The following AP3S1 variants were observed in gnomAD, a reference collection of about 807,000 sequenced individuals.
AP3S1 encodes the protein AP-3 complex subunit sigma-1.
A neutral mutation model predicts 21.3 loss-of-function variants in AP3S1; 12 were observed. The observed-to-expected ratio is 0.56, with a 90% CI of 0.36 to 0.91. The LOEUF (loss-of-function observed/expected upper bound fraction) is 0.91, where lower values mean the gene tolerates loss of function less well. Among genes scored for constraint, AP3S1 ranks in the 40% least tolerant of loss-of-function variants. The pLI, the probability that AP3S1 is intolerant of heterozygous loss-of-function variation, is 0.01. For missense variants in AP3S1, 116 were observed against 225.0 expected, an observed-to-expected ratio of 0.52 and a Z score of 3.10; for synonymous variants, 48 against 78.4, an observed-to-expected ratio of 0.61 and a Z score of 2.05.
intron 3 of AP3S1, among the ~76,000 whole-genome samples, chr5:115,879,379 C>T (rs756675599): frequency 2.0e-5 from 3 of 152,122 alleles, no homozygotes; most frequent in Non-Finnish European, 4.4e-5. Context: ...TCCATCTATA[C>T]GTAGTTTACT....
chr5:115,899,394 G>A (rs543423940), intron 4 of AP3S1, among the ~76,000 whole-genome samples: 2 of 152,278 alleles, frequency 1.3e-5, no homozygotes, highest in South Asian at 4.1e-4. Context: ...CAGAAATTAC[G>A]CTCCATGGAA....
chr5:115,900,363 C>T (rs1157989926), intron 4 of AP3S1, among the ~76,000 whole-genome samples: 4 of 152,192 alleles, frequency 2.6e-5, no homozygotes, highest in African/African-American at 7.2e-5. Flanking sequence ...AGTTGCCCAT[C>T]TTTGGCCAGT....
rs188517662 is a variant in AP3S1 at position 115,879,215 on chromosome 5, C to T, written c.273+9087C>T. On this transcript the variant is annotated intron_variant, in intron 3 of 5. Transcript: ENST00000316788. ...TCTTTCTCTTGCCTGATTGCCCTGG[C>T]CAGAACTTCCAATACTGTGTTGAAT... is the stretch of plus-strand genomic sequence containing the variant. Among the ~76,000 whole-genome samples, 386 of 152,318 alleles carry T rather than the reference C, an allele frequency of 2.5e-3. 3 individuals carry two copies. The highest frequency in any genetic ancestry group is 8.8e-3 in the African/African-American group (364 of 41,578).
intron 3 of AP3S1, among the ~76,000 whole-genome samples, chr5:115,893,300 G>T (rs972452158): frequency 6.6e-6 from 1 of 152,110 alleles, no homozygotes. Context: ...TGCAGCTGTG[G>T]TTGCTTTCCA....
In AP3S1 at chr5:115,901,679, C is replaced by T. The variant is rs183680912; in HGVS notation, c.346-1206C>T. 2.6e-4 allele frequency among the ~76,000 whole-genome samples: 40 copies of T among 151,798 alleles called. 1 individual carries two copies. The East Asian group carries it at 5.0e-3, about 19-fold the overall frequency. On this transcript the variant is annotated intron_variant, in intron 4 of 5. Transcript: ENST00000316788. ...AGGCAGTCCTCCTGGGTCAGCCTCC[C>T]GAGTAGCTGGAAGTACAGACGTGAG...
chr5:115,850,939 A>G (rs1762396594), intron 1 of AP3S1, among the ~76,000 whole-genome samples: 1 of 152,196 alleles, frequency 6.6e-6, no homozygotes, highest in East Asian at 1.9e-4. Context: ...GTTGTCTGTC[A>G]GGAATTCTCA....
intron 3 of AP3S1, among the ~76,000 whole-genome samples, chr5:115,882,132 A>G (rs1749352595): frequency 6.6e-6 from 1 of 151,936 alleles, no homozygotes; most frequent in African/African-American, 2.4e-5. Flanking sequence ...GCTTCCTTGC[A>G]TTGGGTTAGA....
chr5:115,874,840 A>C (rs1748564644), intron 3 of AP3S1, among the ~76,000 whole-genome samples: 2 of 152,096 alleles, frequency 1.3e-5, no homozygotes. Flanking sequence ...AGACCTGTGA[A>C]TTAAAGCTAT....
intron 3 of AP3S1, among the ~76,000 whole-genome samples, chr5:115,884,855 A>G (rs1361454886): frequency 6.6e-6 from 1 of 152,160 alleles, no homozygotes; most frequent in Non-Finnish European, 1.5e-5. Context: ...TTACATGTTG[A>G]CTTGAGAGGC....
At chr5:115,845,697 G>T (rs142909087) in intron 1 of AP3S1, among the ~76,000 whole-genome samples, 1,691 of 151,798 alleles carry the variant, frequency 0.011, 12 homozygotes, top group Middle Eastern at 0.017. Flanking sequence ...AGCCAGGCAT[G>T]GTAGCGCACG....
At chr5:115,863,012 C>T (rs577081060) in intron 1 of AP3S1, among the ~76,000 whole-genome samples, 3 of 152,316 alleles carry the variant, frequency 2.0e-5, no homozygotes, top group Admixed American at 6.5e-5. Flanking sequence ...CCTGTAATCC[C>T]AGCACTTTGG....
At position 115,913,941 on chromosome 5, in the gene AP3S1, T is replaced by A. The variant is rs1466742540; in HGVS notation, c.*451T>A. On this transcript the variant is annotated 3_prime_UTR_variant, in exon 6 of 6. Coordinates refer to ENST00000316788, the MANE Select transcript of AP3S1 (RefSeq NM_001284.4). ...TATTGCATGAAAACATTATGACTTT[T>A]TTCTCTTAGTTTAAATAAACTCCAA... 4 of 152,778 alleles carry A rather than the reference T, an allele frequency of 2.6e-5. No individual in the cohort carries two copies. Among genetic ancestry groups the A allele is most frequent in the Non-Finnish European group, 4.4e-5 (3 of 68,096 alleles). 9.5% of individuals were successfully genotyped at this position (152,778 alleles called of 1,614,324 possible).
chr5:115,872,739 A>AG (rs145788131), intron 3 of AP3S1, among the ~76,000 whole-genome samples: 3 of 151,972 alleles, frequency 2.0e-5, no homozygotes, highest in African/African-American at 7.3e-5. Flanking sequence ...ATGACATTGA[A>AG]GGGTTGATCA....
chr5:115,882,183 A>G lies in AP3S1; in HGVS notation c.273+12055A>G, dbSNP rs545553998. The stretch of plus-strand genomic sequence containing the variant: ...TCAGAGGAGTTTGTTATTACCCACC[A>G]TCTGAAGCCTACTTCTGTCAATTCA... On this transcript the variant is annotated intron_variant, in intron 3 of 5. Transcript: ENST00000316788. 9.2e-5 allele frequency among the ~76,000 whole-genome samples: 14 copies of G among 152,038 alleles called. No individual in the cohort carries two copies. The South Asian group carries it at 1.7e-3, about 18-fold the overall frequency.
intron 5 of AP3S1, chr5:115,909,007 A>G: frequency 1.0e-6 from 1 of 984,282 alleles, no homozygotes; most frequent in Non-Finnish European, 1.2e-6. Flanking sequence ...GCATATAGCA[A>G]CTTCCAGCAG....
At chr5:115,882,018 G>T (rs1749339374) in intron 3 of AP3S1, among the ~76,000 whole-genome samples, 1 of 151,656 alleles carries the variant, frequency 6.6e-6, no homozygotes, top group Non-Finnish European at 1.5e-5. Context: ...TGTGCTTCAT[G>T]AAGTTCTCCT....
At chr5:115,896,659 G>A (rs767326880) in intron 4 of AP3S1, among the ~76,000 whole-genome samples, 10 of 152,114 alleles carry the variant, frequency 6.6e-5, no homozygotes, top group Non-Finnish European at 1.3e-4. Context: ...TGCATCTGTA[G>A]TCCTAGCTGG....
At chr5:115,851,860 G>A (rs1762461189) in intron 1 of AP3S1, among the ~76,000 whole-genome samples, 1 of 151,904 alleles carries the variant, frequency 6.6e-6, no homozygotes, top group South Asian at 2.1e-4. Context: ...GTTGTTGCTG[G>A]TGCTTGCTTT....
chr5:115,885,750 T>C (rs1749727162), intron 3 of AP3S1, among the ~76,000 whole-genome samples: 1 of 152,228 alleles, frequency 6.6e-6, no homozygotes, highest in South Asian at 2.1e-4. Context: ...CATCACCGTG[T>C]TGAATACTTT....
Sources: gnomAD v4.1 joint callset for allele counts (sites outside exome capture counted in the v4.1 genomes callset) on GRCh38, gnomAD v4.1.1 for gene constraint, MANE v1.5 for transcripts, NCBI Gene and HGNC (gene_info 2026-07-23, HGNC 2026-07-21) for gene names.